The following ARFGEF1 variants were observed in gnomAD, a reference collection of about 807,000 sequenced individuals.
ARFGEF1 encodes ARF guanine nucleotide exchange factor 1.
Under a neutral mutation model 231.0 loss-of-function variants are expected in ARFGEF1, and 42 were observed. The ratio of observed to expected loss-of-function variants is 0.18; its 90% CI spans 0.14 to 0.24. ARFGEF1 has a LOEUF of 0.24. Ranked by LOEUF, ARFGEF1 falls within the 10% of genes least tolerant of loss-of-function variation. The pLI is 1.00. For synonymous variants in ARFGEF1, 710 were observed against 732.3 expected, an observed-to-expected ratio of 0.97 and a Z score of 0.49; for missense variants, 1,345 against 2,192.0, an observed-to-expected ratio of 0.61 and a Z score of 7.72.
At chr8:67,272,119 C>T (rs1196484043) in intron 9 of ARFGEF1, among the ~76,000 whole-genome samples, 183 bp from the exon 10 acceptor site, 1 of 152,170 alleles carries the variant, frequency 6.6e-6, no homozygotes, top group African/African-American at 2.4e-5. Context: ...GCACTAACAA[C>T]AGGTGCTTTC....
chr8:67,266,306 T>A, intron 13 of ARFGEF1, 99 bp from the exon 14 acceptor site: 1 of 832,470 alleles, frequency 1.2e-6, no homozygotes, highest in East Asian at 2.6e-5. Context: ...GTTTCAATGT[T>A]GCTTAGATAT....
At chr8:67,260,067 T>C (rs1478463508) in intron 14 of ARFGEF1, 141 bp from the exon 15 acceptor site, 2 of 425,170 alleles carry the variant, frequency 4.7e-6, no homozygotes, top group African/African-American at 4.1e-5. Context: ...ATGTACAAAA[T>C]AATTACATTG....
intron 5 of ARFGEF1, among the ~76,000 whole-genome samples, chr8:67,186,580 C>T (rs1834671591): frequency 6.6e-6 from 1 of 152,178 alleles, no homozygotes; most frequent in Non-Finnish European, 1.5e-5. Context: ...CTACAGCTAA[C>T]ATCATAATGA....
rs143222262 is a variant in ARFGEF1 at position 67,218,882 on chromosome 8, G to A, written c.4338+549C>T. 1.3e-3 allele frequency among the ~76,000 whole-genome samples: 205 copies of A among 152,202 alleles called. 2 individuals are homozygous for A. Among genetic ancestry groups the A allele is most frequent in the African/African-American group, 4.8e-3 (198 of 41,532 alleles). On this transcript the variant is annotated intron_variant, in intron 30 of 38. Transcript: ENST00000262215. ...GTTTTATAGTTGTAACTATCAAAAT[G>A]AGGAAAAGAAACGAAAAAGTCAGAA...
intron 33 of ARFGEF1, among the ~76,000 whole-genome samples, chr8:67,212,326 G>C (rs1838780205): frequency 6.6e-6 from 1 of 152,110 alleles, no homozygotes; most frequent in Admixed American, 6.5e-5. Flanking sequence ...CAGGTGATCT[G>C]CCTGCCTCGG....
chr8:67,310,155 G>C (rs547193521), intron 1 of ARFGEF1, among the ~76,000 whole-genome samples: 15 of 152,098 alleles, frequency 9.9e-5, no homozygotes, highest in Admixed American at 2.0e-4. Context: ...CCTCTCATGC[G>C]GAGCCGAAGC....
At chr8:67,175,894 G>A (rs1304569032) in intron 5 of ARFGEF1, among the ~76,000 whole-genome samples, 3 of 152,180 alleles carry the variant, frequency 2.0e-5, no homozygotes, top group Non-Finnish European at 2.9e-5. Flanking sequence ...ATATGTTTTC[G>A]TATAATCAAC....
chr8:67,188,604 A>C (rs1280885410), intron 5 of ARFGEF1, among the ~76,000 whole-genome samples: 1 of 152,140 alleles, frequency 6.6e-6, no homozygotes, highest in African/African-American at 2.4e-5. Context: ...TTGGAACTGC[A>C]TGCTCTTCTG....
chr8:67,214,171 G>C (rs1300206349), intron 33 of ARFGEF1, among the ~76,000 whole-genome samples: 3 of 152,174 alleles, frequency 2.0e-5, no homozygotes, highest in Non-Finnish European at 2.9e-5. Context: ...CCATCTTAGA[G>C]AAGACATGTA....
At chr8:67,193,451 T>A, downstream of ARFGEF1, 1 of 1,607,370 alleles carries the variant, frequency 6.2e-7, no homozygotes, top group Non-Finnish European at 8.5e-7. Flanking sequence ...GAAGTTCTGT[T>A]TTCTAACTAC....
At chr8:67,208,670 A>G (rs1838612889) in intron 34 of ARFGEF1, among the ~76,000 whole-genome samples, 1 of 151,766 alleles carries the variant, frequency 6.6e-6, no homozygotes, top group Non-Finnish European at 1.5e-5. Context: ...AACACTTCAT[A>G]GAAGACAACA....
At chr8:67,261,982 T>C (rs1293488525) in intron 14 of ARFGEF1, among the ~76,000 whole-genome samples, 1 of 152,064 alleles carries the variant, frequency 6.6e-6, no homozygotes, top group Non-Finnish European at 1.5e-5. Flanking sequence ...AGCTGCCATG[T>C]AGAGAGATAC....
downstream of ARFGEF1, among the ~76,000 whole-genome samples, chr8:67,193,792 T>TATCA (rs748783822): frequency 4.6e-5 from 7 of 152,250 alleles, no homozygotes; most frequent in African/African-American, 1.4e-4. Context: ...AGATTTTCTC[T>TATCA]ATCAGAGAGG....
intron 5 of ARFGEF1, among the ~76,000 whole-genome samples, chr8:67,183,871 T>TA (rs59653850): frequency 3.5e-5 from 5 of 144,300 alleles, no homozygotes; most frequent in Admixed American, 2.1e-4. Flanking sequence ...TTTTTTTTTT[T>TA]AGACAAAGTC....
rs191980661 is a variant in ARFGEF1, at chr8:67,271,381, T to G, written c.1572+321A>C. On this transcript the variant is annotated intron_variant, in intron 10 of 38. Coordinates refer to ENST00000262215, the MANE Select transcript of ARFGEF1 (RefSeq NM_006421.5). The stretch of plus-strand genomic sequence containing the variant: ...CTTTCTTTTAAGATAAACAAATGTA[T>G]TCGAATATACCACACAGACAATGGC... 1.4e-4 allele frequency among the ~76,000 whole-genome samples: 21 copies of G among 152,290 alleles called. 1 individual carries two copies. Among genetic ancestry groups the G allele is most frequent in the African/African-American group, 4.3e-4 (18 of 41,560 alleles).
rs1477346678 is a variant in ARFGEF1, at chr8:67,244,782, G to A, written c.2851-4492C>T. Among the ~76,000 whole-genome samples the A allele has an allele frequency of 2.7e-5, 4 of 150,602 alleles. 1 individual carries two copies. Among genetic ancestry groups the A allele is most frequent in the African/African-American group, 9.9e-5 (4 of 40,386 alleles). Reference sequence around the variant, plus strand: ...AAAGTTATTGGTCTTCAAAGAGGCAGAGAAAGAGATAGAGGTAGAAAGTTT... The same window carrying A: ...AAAGTTATTGGTCTTCAAAGAGGCAAAGAAAGAGATAGAGGTAGAAAGTTT... On this transcript the variant is annotated intron_variant, in intron 19 of 38. Coordinates refer to ENST00000262215, the MANE Select transcript of ARFGEF1 (RefSeq NM_006421.5).
chr8:67,238,652 AT>A lies in ARFGEF1; in HGVS notation c.3138+82del. On this transcript the variant is annotated intron_variant, in intron 21 of 38. Transcript: ENST00000262215. ...AAATGTACTAATTTTCTCCCCTAACATTTAGGCATGTCAATGATGGACTATT... is the reference window on the plus strand; with the variant it reads ...AAATGTACTAATTTTCTCCCCTAACATTAGGCATGTCAATGATGGACTATT... 2.6e-6 allele frequency: 4 copies of A among 1,516,488 alleles called. No individual in the cohort carries two copies. In the East Asian group the frequency reaches 9.1e-5, roughly 34 times the overall value. 93.9% of individuals were successfully genotyped at this position (1,516,488 alleles called of 1,614,324 possible).
intron 29 of ARFGEF1, among the ~76,000 whole-genome samples, chr8:67,220,897 CTTT>C (rs60939328): frequency 7.1e-6 from 1 of 140,264 alleles, no homozygotes; most frequent in South Asian, 2.3e-4. Context: ...TTTTCCTTTT[CTTT>C]TTTTTTTTTT....
rs992894344 is a variant in ARFGEF1, at chr8:67,335,443, T to G, written c.124+7721A>C. Among the ~76,000 whole-genome samples the G allele has an allele frequency of 3.3e-5, 5 of 152,224 alleles. No homozygotes were observed. The South Asian group carries it at 1.0e-3, about 32-fold the overall frequency. ...AATTTTATTGTTGTAGTTACACTTTTGAAAATGATTTGAAGGATTCGTTTA... is the reference window on the plus strand; with the variant it reads ...AATTTTATTGTTGTAGTTACACTTTGGAAAATGATTTGAAGGATTCGTTTA... On this transcript the variant is annotated intron_variant, in intron 1 of 38. Coordinates refer to ENST00000262215, the MANE Select transcript of ARFGEF1 (RefSeq NM_006421.5).
Sources: gnomAD v4.1 joint callset for allele counts (sites outside exome capture counted in the v4.1 genomes callset) on GRCh38, gnomAD v4.1.1 for gene constraint, MANE v1.5 for transcripts, NCBI Gene and HGNC (gene_info 2026-07-23, HGNC 2026-07-21) for gene names.